The following CEP63 variants were observed in gnomAD, a reference collection of about 807,000 sequenced individuals.
The protein encoded by CEP63 is centrosomal protein of 63 kDa.
Under a neutral mutation model 89.1 loss-of-function variants are expected in CEP63, and 84 were observed. The ratio of observed to expected loss-of-function variants is 0.94; its 90% CI spans 0.79 to 1.13. The LOEUF is 1.13. CEP63 is among the 50% of genes most tolerant of loss of function. The pLI is 0.00. For missense variants in CEP63, 838 were observed against 813.3 expected, an observed-to-expected ratio of 1.03 and a Z score of -0.37; for synonymous variants, 267 against 272.5, an observed-to-expected ratio of 0.98 and a Z score of 0.20.
At chr3:134,669,957 C>A in the CEP63 span, among the ~76,000 whole-genome samples, 1 of 152,104 alleles carries the variant, frequency 6.6e-6, no homozygotes, top group Non-Finnish European at 1.5e-5. Flanking sequence ...GGACAGAGCC[C>A]TTCTGAATGG....
chr3:134,569,867 A>G (rs143468405), downstream of CEP63, among the ~76,000 whole-genome samples: 7 of 152,310 alleles, frequency 4.6e-5, no homozygotes, highest in African/African-American at 1.7e-4. Context: ...AAGCGTTTCT[A>G]TACACCCTCT....
chr3:134,772,885 C>A, the CEP63 span, among the ~76,000 whole-genome samples: 2 of 152,184 alleles, frequency 1.3e-5, no homozygotes, highest in Admixed American at 6.5e-5. Context: ...CACTTGCAGA[C>A]CTTTGGGGCA....
chr3:134,754,095 C>T, the CEP63 span, among the ~76,000 whole-genome samples: 1 of 152,198 alleles, frequency 6.6e-6, no homozygotes, highest in Admixed American at 6.5e-5. Flanking sequence ...TCCCTGAGCC[C>T]AAAGGACCTT....
the CEP63 span, among the ~76,000 whole-genome samples, chr3:134,774,692 G>A: frequency 5.3e-5 from 8 of 152,302 alleles, no homozygotes; most frequent in East Asian, 1.4e-3. Context: ...TGAACAGAGC[G>A]GGGTTCAAGC....
At chr3:134,546,318 T>A (rs771558556) in intron 8 of CEP63, 30 bp downstream of exon 8, 10 of 1,595,200 alleles carry the variant, frequency 6.3e-6, no homozygotes, top group Middle Eastern at 1.7e-4. Flanking sequence ...TTATTCATCT[T>A]AGCCACTTAA....
At chr3:134,566,833 G>A (rs1191843770), downstream of CEP63, among the ~76,000 whole-genome samples, 1 of 152,198 alleles carries the variant, frequency 6.6e-6, no homozygotes, top group African/African-American at 2.4e-5. Context: ...TGATGGGAAT[G>A]TAAAATAGTG....
chr3:134,537,114 G>T, intron 5 of CEP63, 41 bp from the exon 6 acceptor site: 2 of 1,211,628 alleles, frequency 1.7e-6, no homozygotes, highest in South Asian at 2.4e-5. Context: ...TGACAGTGAG[G>T]AGAAGCACTC....
intron 13 of CEP63, 138 bp from the exon 14 acceptor site, chr3:134,559,012 T>C: frequency 1.3e-6 from 1 of 797,614 alleles, no homozygotes; most frequent in Non-Finnish European, 2.0e-6. Flanking sequence ...GAAATCTCTT[T>C]CTGATCTGAG....
chr3:134,609,794 G>A, the CEP63 span, among the ~76,000 whole-genome samples: 1 of 152,218 alleles, frequency 6.6e-6, no homozygotes, highest in Non-Finnish European at 1.5e-5. Flanking sequence ...CCTGGTGTCT[G>A]GGCAAAGCAG....
At chr3:134,604,960 C>A in the CEP63 span, among the ~76,000 whole-genome samples, 3 of 152,298 alleles carry the variant, frequency 2.0e-5, no homozygotes, top group African/African-American at 7.2e-5. Context: ...AATGGCTTCA[C>A]TCCCTGAGAC....
chr3:134,589,966 G>C (rs1388546602), downstream of CEP63, among the ~76,000 whole-genome samples: 1 of 152,132 alleles, frequency 6.6e-6, no homozygotes, highest in Non-Finnish European at 1.5e-5. Flanking sequence ...TGGAGCTGGA[G>C]GCTATTATCC....
chr3:134,551,610 C>T (rs1401212511), intron 11 of CEP63, among the ~76,000 whole-genome samples: 1 of 151,764 alleles, frequency 6.6e-6, no homozygotes, highest in Non-Finnish European at 1.5e-5. Flanking sequence ...TTAAGGGGTT[C>T]AGTGGATTGA....
chr3:134,557,427 T>C (rs1956455122), intron 12 of CEP63, among the ~76,000 whole-genome samples: 1 of 134,674 alleles, frequency 7.4e-6, no homozygotes, highest in African/African-American at 2.9e-5. Flanking sequence ...AAGCTAACCA[T>C]GGTATTAAAC....
the CEP63 span, among the ~76,000 whole-genome samples, chr3:134,665,069 G>A: frequency 1.3e-5 from 2 of 152,162 alleles, no homozygotes; most frequent in African/African-American, 4.8e-5. Flanking sequence ...AGGTGCACAA[G>A]GCCACTTCTG....
At chr3:134,703,295 C>CAAA in the CEP63 span, among the ~76,000 whole-genome samples, 9 of 77,628 alleles carry the variant, frequency 1.2e-4, no homozygotes, top group Admixed American at 3.0e-4. Flanking sequence ...GACTCCGTCT[C>CAAA]AAAAAAAAAA....
the CEP63 span, among the ~76,000 whole-genome samples, chr3:134,741,055 G>A: frequency 2.0e-5 from 3 of 152,096 alleles, no homozygotes; most frequent in Non-Finnish European, 4.4e-5. Context: ...TAAGCTGAGG[G>A]CAGCTGCAAA....
chr3:134,669,490 G>A, the CEP63 span, among the ~76,000 whole-genome samples: 1 of 152,206 alleles, frequency 6.6e-6, no homozygotes, highest in African/African-American at 2.4e-5. Context: ...GGCCCAAGTT[G>A]CTTTTCAGCT....
At chr3:134,588,278 G>T (rs929787119), downstream of CEP63, among the ~76,000 whole-genome samples, 1 of 152,056 alleles carries the variant, frequency 6.6e-6, no homozygotes, top group African/African-American at 2.4e-5. Context: ...GACAGAACAA[G>T]ACTCTATCTC....
the CEP63 span, among the ~76,000 whole-genome samples, chr3:134,746,435 T>G: frequency 1.3e-5 from 2 of 152,172 alleles, no homozygotes; most frequent in Non-Finnish European, 2.9e-5. Context: ...GGGTATATGC[T>G]CAGTAATGGG....
Sources: allele counts gnomAD v4.1 joint callset (sites outside exome capture counted in the v4.1 genomes callset), GRCh38; gene constraint gnomAD v4.1.1; transcripts MANE v1.5; gene names NCBI Gene and HGNC (gene_info 2026-07-23, HGNC 2026-07-21).